The following COL16A1 variants were observed in gnomAD, a reference collection of about 807,000 sequenced individuals.
The protein encoded by COL16A1 is collagen alpha-1(XVI) chain.
Under a neutral mutation model 266.3 loss-of-function variants are expected in COL16A1, and 189 were observed. The observed-to-expected ratio is 0.71, with a 90% CI of 0.63 to 0.80. The LOEUF (loss-of-function observed/expected upper bound fraction) is 0.80, where lower values mean the gene tolerates loss of function less well. COL16A1 is among the 30% of genes least tolerant of loss of function. COL16A1 has a pLI of 0.00. For missense variants in COL16A1, 1,928 were observed against 2,122.4 expected, an observed-to-expected ratio of 0.91 and a Z score of 1.80; for synonymous variants, 740 against 782.3, an observed-to-expected ratio of 0.95 and a Z score of 0.90.
At chr1:31,658,762 G>T in intron 63 of COL16A1, 152 bp downstream of exon 63, 1 of 1,108,696 alleles carries the variant, frequency 9.0e-7, no homozygotes, top group Non-Finnish European at 1.3e-6. Flanking sequence ...CATCCTGGAA[G>T]GCGAGATCTT....
At chr1:31,661,277 C>T in intron 60 of COL16A1, 137 bp downstream of exon 60, 1 of 1,516,900 alleles carries the variant, frequency 6.6e-7, no homozygotes, top group Non-Finnish European at 9.0e-7. Context: ...CTGACCCAGT[C>T]TGCCAGGCAC....
At chr1:31,676,806 A>C (rs1356233110) in intron 42 of COL16A1, among the ~76,000 whole-genome samples, 1 of 152,224 alleles carries the variant, frequency 6.6e-6, no homozygotes, top group African/African-American at 2.4e-5. Flanking sequence ...ATGTGCAGTA[A>C]GTACGTGTTG....
chr1:31,654,222 A>C (rs1178309169), intron 68 of COL16A1, among the ~76,000 whole-genome samples, 179 bp from the exon 69 acceptor site: 1 of 152,192 alleles, frequency 6.6e-6, no homozygotes, highest in African/African-American at 2.4e-5. Flanking sequence ...CCTGGCCTCC[A>C]CGTCGCTCCC....
At chr1:31,673,096 A>C in intron 44 of COL16A1, 1 of 555,154 alleles carries the variant, frequency 1.8e-6, no homozygotes, top group Non-Finnish European at 3.3e-6. Context: ...CTTTCCAGAC[A>C]GGCATGTGGG....
Position 31,683,809 on chromosome 1 carries a change from C to T in COL16A1, c.2338-61G>A, listed in dbSNP as rs567263910. Reference sequence around the variant, plus strand: ...TCCCCAGTCACCCTTTCCCCTTCTCCCCAGCCCCTTCTCCTCCAGCTTCTT... The same window carrying T: ...TCCCCAGTCACCCTTTCCCCTTCTCTCCAGCCCCTTCTCCTCCAGCTTCTT... On this transcript the variant is annotated intron_variant, in intron 33 of 70. Coordinates refer to ENST00000373672, the MANE Select transcript of COL16A1 (RefSeq NM_001856.4). 3.0e-4 allele frequency: 478 copies of T among 1,612,682 alleles called. 15 individuals are homozygous for T. Among genetic ancestry groups the T allele is most frequent in the South Asian group, 2.6e-3 (240 of 90,954 alleles).
At chr1:31,666,186 G>A (rs904434403) in intron 52 of COL16A1, 105 bp from the exon 53 acceptor site, 1 of 1,237,488 alleles carries the variant, frequency 8.1e-7, no homozygotes, top group African/African-American at 1.5e-5. Context: ...GCATGTGCTG[G>A]GAGGCCCCTG....
chr1:31,673,048 C>T, intron 44 of COL16A1: 1 of 646,494 alleles, frequency 1.5e-6, no homozygotes, highest in East Asian at 2.8e-5. Flanking sequence ...TTTGAGTTTC[C>T]TCCAGGAAGA....
chr1:31,665,918 T>C lies in COL16A1; in HGVS notation c.3420A>G (p.Arg1140=). ...PPGPAGPRGE[R]GPQGNSGEKG... ...TCTCACCGGAGTTACCTTGGGGTCC[T>C]CGCTCTCCTCTGGGACCCTGTCACC... Residue 1140 remains arginine, a synonymous_variant, in exon 54 of 71, where the codon CGA becomes CGG. Coordinates refer to ENST00000373672, the MANE Select transcript of COL16A1 (RefSeq NM_001856.4). 6.2e-7 allele frequency: 1 copy of C among 1,614,120 alleles called. No homozygotes were observed.
At chr1:31,659,387 G>A (rs1641445764) in intron 62 of COL16A1, among the ~76,000 whole-genome samples, 1 of 152,168 alleles carries the variant, frequency 6.6e-6, no homozygotes, top group Non-Finnish European at 1.5e-5. Flanking sequence ...AGCAGGGGGT[G>A]AGGGGCAGGG....
rs894043851 is a variant in COL16A1 at position 31,698,654 on chromosome 1, A to G, written c.267-48T>C. The G allele has an allele frequency of 2.4e-5, 39 of 1,604,580 alleles. No homozygotes were observed. The highest frequency in any genetic ancestry group is 3.2e-5 in the Non-Finnish European group (38 of 1,176,792). On this transcript the variant is annotated intron_variant, in intron 4 of 70. Transcript: ENST00000373672. This position sits in a 1 kb window ranked among gnomAD's most constrained non-coding sequence, Gnocchi z 4.1. ...GCCCTGAGGCTCCAATGAGGACCCA[A>G]ATGCTGCCCACCCTGAGCCCTCAGG...
chr1:31,666,609 C>T (rs974242293), intron 52 of COL16A1, among the ~76,000 whole-genome samples: 2 of 152,094 alleles, frequency 1.3e-5, no homozygotes, highest in East Asian at 3.9e-4. Context: ...CCCTTCCCCC[C>T]TTCCTAGGTC....
Position 31,671,598 on chromosome 1 carries a change from G to A in COL16A1, c.3150+17C>T, listed in dbSNP as rs1421497291. On this transcript the variant is annotated intron_variant, in intron 48 of 70. Coordinates refer to ENST00000373672, the MANE Select transcript of COL16A1 (RefSeq NM_001856.4). ...TTGAGAGCTTCTCAAGCAGACCAGG[G>A]CACCACTGATACTTACGATAGGGCC... 2 of 1,613,908 alleles carry A rather than the reference G, an allele frequency of 1.2e-6. No homozygotes were observed. Among genetic ancestry groups the A allele is most frequent in the African/African-American group, 1.3e-5 (1 of 74,896 alleles).
rs764129584 is a variant in COL16A1 at position 31,685,742 on chromosome 1, A to G, written c.1913T>C (p.Leu638Pro). ...KGEPCEPCPA[L>P]SNLQDGDVRV... is the part of the protein sequence containing the mutation. ...GACATCCCCATCCTGAAGGTTGGACAGGGCTGGGCACGGCTCACAGGGCTC... is the reference window on the plus strand; with the variant it reads ...GACATCCCCATCCTGAAGGTTGGACGGGGCTGGGCACGGCTCACAGGGCTC... The change falls in exon 29 of 71, where the codon CTG becomes CCG. Residue 638 changes from leucine (L) to proline (P), a missense_variant. Physicochemically the swap from Leu to Pro is moderately conservative, Grantham distance 98 (BLOSUM62 -3). Coordinates refer to ENST00000373672, the MANE Select transcript of COL16A1 (RefSeq NM_001856.4). The surrounding 1 kb of genome is among the most constrained non-coding windows in gnomAD (Gnocchi z 4.0). 6.2e-7 allele frequency: 1 copy of G among 1,613,990 alleles called. No individual in the cohort carries two copies. The highest frequency in any genetic ancestry group is 1.3e-5 in the African/African-American group (1 of 75,064).
In COL16A1 at chr1:31,661,075, A is replaced by T. The variant is rs1641616793; in HGVS notation, c.3816T>A (p.Pro1272=). The T allele has an allele frequency of 1.3e-6, 2 of 1,565,354 alleles. No individual in the cohort carries two copies. Among genetic ancestry groups the T allele is most frequent in the Non-Finnish European group, 1.7e-6 (2 of 1,153,932 alleles). ...GATCCCTGGCCCTCACCTCTGCGCC[A>T]GGCCGGCCAGTGCTGCCAGGGGGAC... ...KPGPPGSTGR[P]GAEGEPGAMG... is the part of the protein sequence containing the mutation. Residue 1272 remains proline, a synonymous_variant, in exon 61 of 71, where the codon CCT becomes CCA. Coordinates refer to ENST00000373672, the MANE Select transcript of COL16A1 (RefSeq NM_001856.4).
chr1:31,660,380 C>T (rs1641545041), intron 62 of COL16A1, among the ~76,000 whole-genome samples: 1 of 152,244 alleles, frequency 6.6e-6, no homozygotes, highest in African/African-American at 2.4e-5. Context: ...GAATGACCTC[C>T]ATCTGATAAG....
At chr1:31,679,591 G>A (rs1643450070) in intron 42 of COL16A1, 41 bp downstream of exon 42, 2 of 1,614,206 alleles carry the variant, frequency 1.2e-6, no homozygotes, top group Non-Finnish European at 1.7e-6. Context: ...TGACCCATGA[G>A]CTCTGCCACC....
rs1156601171 is a variant in COL16A1, at chr1:31,654,049, A to T, written c.4358-6T>A. The stretch of plus-strand genomic sequence containing the variant: ...GGTGTAGTAAGCCATTCTCTCTGTA[A>T]AAAAAGGACAAGGACAGGGACAGGT... On this transcript the variant is annotated splice_region_variant and splice_polypyrimidine_tract_variant and intron_variant, in intron 68 of 70. Coordinates refer to ENST00000373672, the MANE Select transcript of COL16A1 (RefSeq NM_001856.4). 2.5e-6 allele frequency: 4 copies of T among 1,611,886 alleles called. No homozygotes were observed. Among genetic ancestry groups the T allele is most frequent in the East Asian group, 4.5e-5 (2 of 44,880 alleles).
chr1:31,661,832 G>T, intron 58 of COL16A1, 128 bp from the exon 59 acceptor site: 1 of 1,028,204 alleles, frequency 9.7e-7, no homozygotes, highest in Non-Finnish European at 1.4e-6. Context: ...TCCAAGCCTG[G>T]CTCAGCCTCT....
chr1:31,681,083 CCA>C lies in COL16A1; in HGVS notation c.2539-18_2539-17del. 6.2e-7 allele frequency: 1 copy of C among 1,608,492 alleles called. No individual in the cohort carries two copies. The highest frequency in any genetic ancestry group is 8.5e-7 in the Non-Finnish European group (1 of 1,177,820). Reference sequence around the variant, plus strand: ...CATCACGGCCCTGAAGAGAGAGAGCCCAGAGTCAGAGGGTGAGACTGGGCAGC... The same window carrying C: ...CATCACGGCCCTGAAGAGAGAGAGCCGAGTCAGAGGGTGAGACTGGGCAGC... On this transcript the variant is annotated splice_polypyrimidine_tract_variant and intron_variant, in intron 37 of 70. Transcript: ENST00000373672.
Sources: gnomAD v4.1 joint callset for allele counts (sites outside exome capture counted in the v4.1 genomes callset) on GRCh38, gnomAD v4.1.1 for gene constraint, Gnocchi (gnomAD v3.1) non-coding constraint, MANE v1.5 for transcripts, NCBI Gene and HGNC (gene_info 2026-07-23, HGNC 2026-07-21) for gene names.